MET: variants seen among roughly 807,000 people sequenced by gnomAD.
MET encodes hepatocyte growth factor receptor.
A neutral mutation model predicts 133.1 loss-of-function variants in MET; 48 were observed. The observed-to-expected ratio is 0.36, with a 90% confidence interval of 0.29 to 0.46. The LOEUF is 0.46. MET is among the 20% of genes least tolerant of loss of function. MET has a pLI of 1.00. For synonymous variants in MET, 628 were observed against 616.5 expected (o/e 1.02, Z -0.28); for missense variants, 1,442 against 1,695.9 (o/e 0.85, Z 2.63).
chr7:116,741,095 G>A, intron 5 of MET, 70 bp downstream of exon 5: 1 of 1,560,348 alleles, frequency 6.4e-7, no homozygotes, highest in Non-Finnish European at 8.7e-7. Context: ...GTTTGGTTTG[G>A]TTTGTTTTTT....
chr7:116,683,868 G>C (rs563595596), intron 1 of MET, among the ~76,000 whole-genome samples: 2 of 152,282 alleles, frequency 1.3e-5, no homozygotes, highest in East Asian at 3.9e-4. Context: ...ATAAAGGTTA[G>C]ATTCTAGTCT....
rs866509744 is a variant in MET at position 116,672,528 on chromosome 7, G to T, written c.-64G>T. The stretch of plus-strand genomic sequence containing the variant: ...GGAGGCGGGGAGGCGCGGAGCGCGC[G>T]TGTGGTCCTTGCGCCGCTGACTTCT... On this transcript the variant is annotated 5_prime_UTR_variant, in exon 1 of 21. Transcript: ENST00000397752. 739 of 397,572 alleles carry T rather than the reference G, an allele frequency of 1.9e-3. 7 individuals carry two copies. The highest frequency in any genetic ancestry group is 8.8e-3 in the Middle Eastern group (14 of 1,588). The allele number at this position is 397,572 out of a possible 1,614,324, so 24.6% of individuals were successfully genotyped here. A position where few individuals can be genotyped will look rare whatever the true frequency, so the allele number is the denominator to read the frequency against.
chr7:116,778,027 G>A (rs1795046428), intron 16 of MET, among the ~76,000 whole-genome samples: 3 of 152,114 alleles, frequency 2.0e-5, no homozygotes, highest in Admixed American at 2.0e-4. Context: ...CCTTTTTAAT[G>A]CTGGAACATT....
At chr7:116,725,359 T>C (rs38857) in intron 2 of MET, among the ~76,000 whole-genome samples, 109,300 of 151,772 alleles carry the variant, frequency 0.72, 39,567 homozygotes, top group East Asian at 0.89. Context: ...TTCAAAACTG[T>C]TTAGGACATC....
intron 5 of MET, among the ~76,000 whole-genome samples, chr7:116,741,421 A>C (rs1793450021): frequency 6.6e-6 from 1 of 152,114 alleles, no homozygotes; most frequent in South Asian, 2.1e-4. Flanking sequence ...ATTCCTCGCC[A>C]CTTCCTATAT....
Position 116,783,379 on chromosome 7 carries a change from T to C in MET, c.3708T>C (p.Ser1236=). ...ACATGTATGATAAAGAATACTATAG[T>C]GTACACAACAAAACAGGTGCAAAGC... ...ARDMYDKEYY[S]VHNKTGAKLP... Residue 1236 remains serine, a synonymous_variant, in exon 19 of 21, where the codon AGT becomes AGC. Coordinates refer to ENST00000397752, the MANE Select transcript of MET (RefSeq NM_000245.4). 3.1e-6 allele frequency: 5 copies of C among 1,614,192 alleles called. No individual in the cohort carries two copies. Among genetic ancestry groups the C allele is most frequent in the Non-Finnish European group, 3.4e-6 (4 of 1,180,024 alleles).
chr7:116,786,104 G>A (rs955836782), intron 19 of MET, among the ~76,000 whole-genome samples: 3 of 152,248 alleles, frequency 2.0e-5, no homozygotes, highest in Non-Finnish European at 2.9e-5. Context: ...CAGGATGTCA[G>A]CATGGTTGGG....
chr7:116,769,947 C>A, intron 12 of MET, 156 bp downstream of exon 12: 2 of 1,085,846 alleles, frequency 1.8e-6, no homozygotes, highest in Non-Finnish European at 1.4e-6. Flanking sequence ...AAATAGTGAG[C>A]TTTTTGCCAC....
At chr7:116,719,913 T>C (rs1259009141) in intron 2 of MET, among the ~76,000 whole-genome samples, 2 of 150,584 alleles carry the variant, frequency 1.3e-5, no homozygotes, top group Non-Finnish European at 3.0e-5. Flanking sequence ...TAGTTTGAAG[T>C]CAGGTAGCGT....
In MET at chr7:116,687,849, C is replaced by CT. The variant is rs575109043; in HGVS notation, c.-14-11221dup. On this transcript the variant is annotated intron_variant, in intron 1 of 20. Transcript: ENST00000397752. ...TAGAGGGGGCTTGGCCTTTGGCACC[C>CT]TCACACCTCTCCCCTTTGTCTCTCT... is the stretch of plus-strand genomic sequence containing the variant. Among the ~76,000 whole-genome samples, 63 of 152,320 alleles carry CT rather than the reference C, an allele frequency of 4.1e-4. No homozygotes were observed. The Middle Eastern group carries it at 0.01, about 25-fold the overall frequency.
Position 116,755,506 on chromosome 7 carries a change from C to T in MET, c.1853C>T (p.Thr618Met), listed in dbSNP as rs753407699. 6.8e-6 allele frequency: 11 copies of T among 1,613,870 alleles called. No homozygotes were observed. The highest frequency in any genetic ancestry group is 5.3e-5 in the African/African-American group (4 of 74,884). ...TGCACCTTGACTTTAAGTGAGAGCA[C>T]GATGAATACGTAAGGATCTTAAAAT... is the stretch of plus-strand genomic sequence containing the variant. ...ESCTLTLSES[T>M]MNTLKCTVGP... Residue 618 changes from threonine (T) to methionine (M), a missense_variant, in exon 6 of 21, where the codon ACG becomes ATG. Thr to Met is a moderately conservative substitution (Grantham distance 81, BLOSUM62 -1). Around this residue, in one of 6 missense-constraint regions of MET, gnomAD observed 762 missense variants for 792.4 expected, o/e 0.96. Coordinates refer to ENST00000397752, the MANE Select transcript of MET (RefSeq NM_000245.4).
At chr7:116,693,192 G>A (rs1796836801) in intron 1 of MET, among the ~76,000 whole-genome samples, 1 of 152,196 alleles carries the variant, frequency 6.6e-6, no homozygotes, top group Admixed American at 6.5e-5. Flanking sequence ...AACAATCTCA[G>A]AGTTGAAAAT....
chr7:116,725,077 G>A (rs1792687891), intron 2 of MET, among the ~76,000 whole-genome samples: 1 of 152,132 alleles, frequency 6.6e-6, no homozygotes, highest in Non-Finnish European at 1.5e-5. Flanking sequence ...TAGAGTGTGG[G>A]TTGGCCTTCC....
intron 5 of MET, 192 bp downstream of exon 5, chr7:116,741,217 C>T: frequency 1.5e-6 from 1 of 657,122 alleles, no homozygotes; most frequent in Non-Finnish European, 2.6e-6. Context: ...ATCCCTCGGG[C>T]AGGGAGGGGG....
At chr7:116,735,064 G>A (rs775290780) in intron 3 of MET, among the ~76,000 whole-genome samples, 3 of 152,144 alleles carry the variant, frequency 2.0e-5, no homozygotes, top group Non-Finnish European at 4.4e-5. Flanking sequence ...GGGGTGGGGA[G>A]GCCCTTTCAA....
intron 3 of MET, among the ~76,000 whole-genome samples, chr7:116,738,119 G>A (rs1444437446): frequency 6.6e-6 from 1 of 152,190 alleles, no homozygotes; most frequent in Non-Finnish European, 1.5e-5. Context: ...ACAGACTGGT[G>A]TTCTGTGTTG....
intron 11 of MET, among the ~76,000 whole-genome samples, chr7:116,767,972 A>ATG (rs764560452): frequency 3.5e-4 from 43 of 124,584 alleles, no homozygotes; most frequent in East Asian, 1.2e-3. Flanking sequence ...ATATATATAT[A>ATG]TATGTGTGTG....
intron 15 of MET, among the ~76,000 whole-genome samples, chr7:116,775,441 C>T (rs1438748954): frequency 6.6e-6 from 1 of 152,192 alleles, no homozygotes; most frequent in Non-Finnish European, 1.5e-5. Context: ...CAGTGGCTCA[C>T]ACGTGTAATC....
chr7:116,794,497 G>T (rs867324138), intron 19 of MET, among the ~76,000 whole-genome samples: 14 of 152,316 alleles, frequency 9.2e-5, no homozygotes, highest in Non-Finnish European at 1.3e-4. Flanking sequence ...GGGCAAAGAA[G>T]TCATTAATGG....
Sources: gnomAD v4.1 joint callset for allele counts (sites outside exome capture counted in the v4.1 genomes callset) on GRCh38, gnomAD v4.1.1 for gene constraint, gnomAD v4.1.1 regional missense constraint, MANE v1.5 for transcripts, NCBI Gene and HGNC (gene_info 2026-07-23, HGNC 2026-07-21) for gene names.